The following MR1 variants were observed in gnomAD, a reference collection of about 807,000 sequenced individuals.
The protein encoded by MR1 is major histocompatibility complex, class I-related.
MR1 carries 44 observed loss-of-function variants against 37.8 expected under a neutral mutation model. That is an observed-to-expected ratio of 1.16 (90% confidence interval 0.91 to 1.50). MR1 has a LOEUF of 1.50. Ranked by LOEUF, MR1 falls within the 40% of genes most tolerant of loss-of-function variation. The pLI, the probability that MR1 is intolerant of heterozygous loss-of-function variation, is 0.00. For synonymous variants in MR1, 153 were observed against 155.8 expected (o/e 0.98, Z 0.13); for missense variants, 386 against 419.1 (o/e 0.92, Z 0.69).
chr1:181,039,613 C>T (rs1657450902), intron 1 of MR1, among the ~76,000 whole-genome samples: 1 of 152,140 alleles, frequency 6.6e-6, no homozygotes, highest in African/African-American at 2.4e-5. Flanking sequence ...CGCCTGTAAT[C>T]CCAACATTTT....
intron 1 of MR1, among the ~76,000 whole-genome samples, chr1:181,037,465 G>A (rs1447222802): frequency 6.6e-6 from 1 of 152,112 alleles, no homozygotes; most frequent in African/African-American, 2.4e-5. Context: ...ATCTAAACTT[G>A]AGAAATTCAA....
Position 181,058,715 on chromosome 1 carries a change from G to C in MR1, c.*3450G>C, listed in dbSNP as rs1357451100. 2 of 152,402 alleles carry C rather than the reference G, an allele frequency of 1.3e-5. No homozygotes were observed. Among genetic ancestry groups the C allele is most frequent in the Non-Finnish European group, 2.9e-5 (2 of 68,060 alleles). The allele number at this position is 152,402 out of a possible 1,614,324, so 9.4% of individuals were successfully genotyped here. ...TTTTCTGCCAGAGTCACACAGAGCA[G>C]TCACACCTTATTTTGAAAACCACTG... On this transcript the variant is annotated 3_prime_UTR_variant, in exon 6 of 6. Coordinates refer to ENST00000367580, the MANE Select transcript of MR1 (RefSeq NM_001385161.1).
chr1:181,039,865 C>CAAAAAAAA (rs35762032), intron 1 of MR1, among the ~76,000 whole-genome samples: 1 of 89,754 alleles, frequency 1.1e-5, no homozygotes. Flanking sequence ...GACTCCATCT[C>CAAAAAAAA]AAAAAAAAAA....
chr1:181,035,213 T>C (rs1042524295), intron 1 of MR1, among the ~76,000 whole-genome samples: 2 of 151,934 alleles, frequency 1.3e-5, no homozygotes, highest in Non-Finnish European at 2.9e-5. Flanking sequence ...AGTGCGCACC[T>C]GTGATCCCAG....
intron 1 of MR1, among the ~76,000 whole-genome samples, chr1:181,047,916 AAAAATAAAT>A (rs1657999194): frequency 6.9e-6 from 1 of 145,892 alleles, no homozygotes; most frequent in Non-Finnish European, 1.5e-5. Context: ...ATAAAAAATA[AAAAATAAAT>A]AAAATAAATA....
At position 181,052,252 on chromosome 1, in the gene MR1, G is replaced by A. The variant is rs146370833; in HGVS notation, c.622G>A (p.Val208Ile). 2 of 1,614,058 alleles carry A rather than the reference G, an allele frequency of 1.2e-6. No homozygotes were observed. Among genetic ancestry groups the A allele is most frequent in the South Asian group, 2.2e-5 (2 of 91,088 alleles). ...LQRTEPPLVR[V>I]NRKETFPGVT... ...CTTCCTAGAGCCCCCACTGGTCAGAGTAAATCGCAAAGAAACTTTTCCAGG... is the reference window on the plus strand; with the variant it reads ...CTTCCTAGAGCCCCCACTGGTCAGAATAAATCGCAAAGAAACTTTTCCAGG... Residue 208 changes from valine (V) to isoleucine (I), a missense_variant, in exon 4 of 6, where the codon GTA becomes ATA. Val to Ile is a conservative substitution (Grantham distance 29). Coordinates refer to ENST00000367580, the MANE Select transcript of MR1 (RefSeq NM_001385161.1).
At position 181,059,021 on chromosome 1, in the gene MR1, A is replaced by G. The variant is rs1203660161; in HGVS notation, c.*3756A>G. ...TCTCTGGAGTTTGCTATTTTCTCAC[A>G]CACAGTGTATTAGTTCACAGAATGT... On this transcript the variant is annotated 3_prime_UTR_variant, in exon 6 of 6. Coordinates refer to ENST00000367580, the MANE Select transcript of MR1 (RefSeq NM_001385161.1). 1 of 152,240 alleles carries G rather than the reference A, an allele frequency of 6.6e-6. No homozygotes were observed. The highest frequency in any genetic ancestry group is 1.5e-5 in the Non-Finnish European group (1 of 68,058). The allele number at this position is 152,240 out of a possible 1,614,324, so 9.4% of individuals were successfully genotyped here.
intron 1 of MR1, among the ~76,000 whole-genome samples, chr1:181,038,419 TAA>T (rs1001909671): frequency 1.3e-5 from 2 of 152,250 alleles, no homozygotes; most frequent in African/African-American, 4.8e-5. Flanking sequence ...CTCGAAATTC[TAA>T]AGAGTCATTC....
At chr1:181,049,429 T>C in intron 2 of MR1, 117 bp downstream of exon 2, 1 of 1,317,940 alleles carries the variant, frequency 7.6e-7, no homozygotes, top group Non-Finnish European at 1.0e-6. Flanking sequence ...TGGCAAAGCC[T>C]GAGGAATCAG....
intron 1 of MR1, among the ~76,000 whole-genome samples, chr1:181,044,104 C>T (rs1657723058): frequency 6.6e-6 from 1 of 151,854 alleles, no homozygotes. Context: ...GCTGGGACTA[C>T]AGGTGCCTGC....
Position 181,055,432 on chromosome 1 carries a change from T to C in MR1, c.*167T>C. 1 of 618,184 alleles carries C rather than the reference T, an allele frequency of 1.6e-6. No individual in the cohort carries two copies. Among genetic ancestry groups the C allele is most frequent in the Non-Finnish European group, 2.8e-6 (1 of 352,068 alleles). 38.3% of individuals were successfully genotyped at this position (618,184 alleles called of 1,614,324 possible). A position where few individuals can be genotyped will look rare whatever the true frequency, so the allele number is the denominator to read the frequency against. Reference sequence around the variant, plus strand: ...CAACAGAGGAGCCACAAAATGTTCTTTGTTCTTTGGCTCCAAAAAGACTGT... The same window carrying C: ...CAACAGAGGAGCCACAAAATGTTCTCTGTTCTTTGGCTCCAAAAAGACTGT... On this transcript the variant is annotated 3_prime_UTR_variant, in exon 6 of 6. Coordinates refer to ENST00000367580, the MANE Select transcript of MR1 (RefSeq NM_001385161.1).
chr1:181,047,093 T>G (rs1483111780), intron 1 of MR1, among the ~76,000 whole-genome samples: 1 of 152,078 alleles, frequency 6.6e-6, no homozygotes, highest in Non-Finnish European at 1.5e-5. Context: ...AATGCCACCT[T>G]GAAACCACTT....
intron 1 of MR1, among the ~76,000 whole-genome samples, chr1:181,043,226 A>G (rs1657662195): frequency 6.6e-6 from 1 of 152,190 alleles, no homozygotes. Flanking sequence ...AGGGGGAAGT[A>G]AAAGGTCAAA....
In MR1 at chr1:181,056,715, C is replaced by T. The variant is rs1658638853; in HGVS notation, c.*1450C>T. On this transcript the variant is annotated 3_prime_UTR_variant, in exon 6 of 6. Transcript: ENST00000367580. Reference sequence around the variant, plus strand: ...TGAGCCCTAATGCTTACTTCAGTGACCTGAACTTTGACAAGTGGCTTTTGT... The same window carrying T: ...TGAGCCCTAATGCTTACTTCAGTGATCTGAACTTTGACAAGTGGCTTTTGT... 6.6e-6 allele frequency: 1 copy of T among 152,416 alleles called. No homozygotes were observed. The allele number at this position is 152,416 out of a possible 1,614,324, so 9.4% of individuals were successfully genotyped here. A position where few individuals can be genotyped will look rare whatever the true frequency, so the allele number is the denominator to read the frequency against.
Position 181,060,722 on chromosome 1 carries a change from C to T in MR1, c.*5457C>T, listed in dbSNP as rs557251907. ...ACAAGGAAGTGTTCTTGGTCTTCAA[C>T]TTTCATCCCTGATGGTGAAAGCAGT... On this transcript the variant is annotated 3_prime_UTR_variant, in exon 6 of 6. Transcript: ENST00000367580. 6.6e-6 allele frequency: 1 copy of T among 152,408 alleles called. No individual in the cohort carries two copies. Among genetic ancestry groups the T allele is most frequent in the South Asian group, 2.1e-4 (1 of 4,832 alleles). The allele number at this position is 152,408 out of a possible 1,614,324, so 9.4% of individuals were successfully genotyped here.
chr1:181,046,035 C>T (rs891561349), intron 1 of MR1, among the ~76,000 whole-genome samples: 5 of 152,340 alleles, frequency 3.3e-5, no homozygotes, highest in Non-Finnish European at 5.9e-5. Context: ...CGCTGCAGCT[C>T]GATTTCTCGC....
chr1:181,049,713 C>G (rs1314777363), intron 2 of MR1: 5 of 493,524 alleles, frequency 1.0e-5, no homozygotes, highest in Non-Finnish European at 1.5e-5. Context: ...GCATCTCTCT[C>G]CCTCCTCCAC....
In MR1 at chr1:181,037,941, G is replaced by T. The variant is rs570460193; in HGVS notation, c.67+3867G>T. Among the ~76,000 whole-genome samples, 8 of 152,058 alleles carry T rather than the reference G, an allele frequency of 5.3e-5. 1 individual carries two copies. In the South Asian group the frequency reaches 1.7e-3, roughly 32 times the overall value. The stretch of plus-strand genomic sequence containing the variant: ...CTCTGCTCAAATGCCACCTGCTGTG[G>T]TCCCTCTATCTAAAAGATCAGGCCT... On this transcript the variant is annotated intron_variant, in intron 1 of 5. Coordinates refer to ENST00000367580, the MANE Select transcript of MR1 (RefSeq NM_001385161.1).
rs533236057 is a variant in MR1 at position 181,049,785 on chromosome 1, G to A, written c.329-226G>A. On this transcript the variant is annotated intron_variant, in intron 2 of 5. Transcript: ENST00000367580. ...CCATTACAGGATAACTCCCCAAGGC[G>A]GGAATTAGCACACTCCTTTGACAGG... The A allele has an allele frequency of 5.8e-4, 328 of 569,336 alleles. 1 individual carries two copies. Among genetic ancestry groups the A allele is most frequent in the Non-Finnish European group, 8.9e-4 (283 of 319,564 alleles). 35.3% of individuals were successfully genotyped at this position (569,336 alleles called of 1,614,324 possible).
Sources: allele counts gnomAD v4.1 joint callset (sites outside exome capture counted in the v4.1 genomes callset), GRCh38; gene constraint gnomAD v4.1.1; transcripts MANE v1.5; gene names NCBI Gene and HGNC (gene_info 2026-07-23, HGNC 2026-07-21).